Variants in LINC00632 observed in about 807,000 individuals in gnomAD.
LINC00632 encodes long independently transcribed non-coding RNA 632, also known as ALDOA related specific transcript.
chrX:140,761,054 G>A (rs962040511), intron 3 of LINC00632, among the ~76,000 whole-genome samples: 1 of 112,352 alleles, frequency 8.9e-6, no homozygotes, highest in Non-Finnish European at 1.9e-5. Flanking sequence ...TATTGTCCCA[G>A]GAGGCTTGTT....
chrX:140,776,538 G>A (rs1931874340), exon 5 of LINC00632, among the ~76,000 whole-genome samples: 1 of 112,948 alleles, frequency 8.9e-6, no homozygotes, highest in Admixed American at 9.3e-5. Context: ...CGTTACCCAA[G>A]CCCGCGCGTG....
chrX:140,759,344 CCTTTCTTTCTTT>C (rs1188901479), intron 3 of LINC00632, among the ~76,000 whole-genome samples: 141 of 23,041 alleles, frequency 6.1e-3, no homozygotes, highest in African/African-American at 0.017. Context: ...TTCCTTCCTT[CCTTTCTTTCTTT>C]CTTTCTTTCT....
At chrX:140,769,756 G>A (rs1221007092) in intron 3 of LINC00632, among the ~76,000 whole-genome samples, 1 of 110,196 alleles carries the variant, frequency 9.1e-6, no homozygotes, top group Admixed American at 9.8e-5. Flanking sequence ...AATTCCACGC[G>A]TACCCAGCAA....
exon 5 of LINC00632, among the ~76,000 whole-genome samples, chrX:140,775,519 T>C (rs1425869790): frequency 8.9e-6 from 1 of 112,227 alleles, no homozygotes; most frequent in Non-Finnish European, 1.9e-5. Context: ...ACAGTTATTC[T>C]GGGGAATAGA....
chrX:140,713,743 G>A (rs1226868686), intron 2 of LINC00632: 4 of 340,754 alleles, frequency 1.2e-5, no homozygotes, highest in East Asian at 9.8e-5. Flanking sequence ...CCCAATCCCC[G>A]TATCATTAGA....
At chrX:140,777,632 G>A (rs1440149749) in exon 5 of LINC00632, among the ~76,000 whole-genome samples, 1 of 112,308 alleles carries the variant, frequency 8.9e-6, no homozygotes, top group Non-Finnish European at 1.9e-5. Context: ...TCAAACTGCC[G>A]CTCTAAAGCT....
intron 2 of LINC00632, among the ~76,000 whole-genome samples, chrX:140,718,078 G>A (rs1035359070): frequency 1.8e-5 from 2 of 110,776 alleles, no homozygotes; most frequent in Admixed American, 9.7e-5. Flanking sequence ...AGAGGTTGCG[G>A]TGAGCCAAGA....
intron 3 of LINC00632, among the ~76,000 whole-genome samples, chrX:140,759,233 C>T (rs1270475169): frequency 9.2e-6 from 1 of 109,021 alleles, no homozygotes; most frequent in Non-Finnish European, 1.9e-5. Flanking sequence ...CTCGGCCTCC[C>T]AGAGTGCTGG....
intron 3 of LINC00632, among the ~76,000 whole-genome samples, chrX:140,766,942 A>G (rs764053905): frequency 9.0e-6 from 1 of 111,640 alleles, no homozygotes; most frequent in East Asian, 2.8e-4. Context: ...GTTAGAACCT[A>G]TGAGCTACTC....
At chrX:140,749,347 T>A (rs778766078) in intron 3 of LINC00632, among the ~76,000 whole-genome samples, 8 of 112,139 alleles carry the variant, frequency 7.1e-5, no homozygotes, top group Non-Finnish European at 1.1e-4. Context: ...CATTCTGTAA[T>A]CATCCTGAGT....
chrX:140,764,164 A>G (rs148693178), intron 3 of LINC00632, among the ~76,000 whole-genome samples: 2,808 of 110,384 alleles, frequency 0.025, 100 homozygotes, highest in African/African-American at 0.088. Flanking sequence ...TTGCCTCGTG[A>G]CTTTTCACGA....
chrX:140,750,427 CTA>C lies in LINC00632; in HGVS notation n.191+16465_191+16466del, dbSNP rs761632035. Reference sequence around the variant, plus strand: ...TTAAGCGTTGTCACCACAAAAATAACTATGTGAGGTAATACATATGTTAATTA... The same window carrying C: ...TTAAGCGTTGTCACCACAAAAATAACTGTGAGGTAATACATATGTTAATTA... On this transcript the variant is annotated intron_variant and non_coding_transcript_variant, in intron 3 of 4. Coordinates refer to ENST00000648200, the Ensembl canonical transcript of LINC00632. Among the ~76,000 whole-genome samples, 4 of 110,136 alleles carry C rather than the reference CTA, an allele frequency of 3.6e-5. No individual in the cohort carries two copies. In the East Asian group the frequency reaches 8.7e-4, roughly 24 times the overall value.
exon 5 of LINC00632, among the ~76,000 whole-genome samples, chrX:140,790,734 A>ATTGT (rs1466119646): frequency 2.8e-4 from 31 of 111,438 alleles, no homozygotes; most frequent in African/African-American, 9.4e-4. Context: ...TATTAAAAGA[A>ATTGT]TTGTTAGGCT....
intron 2 of LINC00632, among the ~76,000 whole-genome samples, chrX:140,724,554 CTTCCATACACAGAGACACA>C (rs1392066375): frequency 9.2e-4 from 1 of 1,090 alleles, no homozygotes; most frequent in Non-Finnish European, 1.9e-3. Flanking sequence ...CACACACACA[CTTCCATACACAGAGACACA>C]TTCCATACAC....
exon 2 of LINC00632, chrX:140,711,629 C>T (rs1036035549): frequency 1.3e-5 from 4 of 317,045 alleles, no homozygotes; most frequent in African/African-American, 1.1e-4. Context: ...AGGAAAAATT[C>T]GTAGACATGG....
intron 2 of LINC00632, among the ~76,000 whole-genome samples, chrX:140,721,138 T>C (rs1930722404): frequency 8.9e-6 from 1 of 111,977 alleles, no homozygotes; most frequent in African/African-American, 3.2e-5. Flanking sequence ...AAATGTTTGC[T>C]TGTCTCCACA....
At position 140,769,486 on chromosome X, in the gene LINC00632, C is replaced by T. The variant is rs182956425; in HGVS notation, n.192-2592C>T. Among the ~76,000 whole-genome samples the T allele has an allele frequency of 2.5e-3, 271 of 109,584 alleles. 1 individual carries two copies. The highest frequency in any genetic ancestry group is 8.4e-3 in the African/African-American group (252 of 30,070). ...GGTTTTTTCTCCACCCCACCCCCCC[C>T]ATGAAAGCAAATTTTCCATACATTT... On this transcript the variant is annotated intron_variant and non_coding_transcript_variant, in intron 3 of 4. Transcript: ENST00000648200.
chrX:140,716,925 G>A (rs1264215687), intron 2 of LINC00632, among the ~76,000 whole-genome samples: 1 of 110,578 alleles, frequency 9.0e-6, no homozygotes, highest in Non-Finnish European at 1.9e-5. Context: ...TCACAAACAT[G>A]TTCCTAAATA....
intron 3 of LINC00632, among the ~76,000 whole-genome samples, chrX:140,756,370 A>G (rs1237240168): frequency 8.9e-6 from 1 of 112,358 alleles, no homozygotes; most frequent in African/African-American, 3.2e-5. Flanking sequence ...GCAGTTATGT[A>G]AAGTGTAGAA....
Sources: allele counts gnomAD v4.1 joint callset (sites outside exome capture counted in the v4.1 genomes callset), GRCh38; gene constraint gnomAD v4.1.1; transcripts MANE v1.5; gene names NCBI Gene and HGNC (gene_info 2026-07-23, HGNC 2026-07-21).